Variants in TENM3 observed in about 807,000 individuals in gnomAD.
The protein encoded by TENM3 is teneurin-3.
Under a neutral mutation model 255.1 loss-of-function variants are expected in TENM3, and 63 were observed. The ratio of observed to expected loss-of-function variants is 0.25; its 90% CI spans 0.20 to 0.30. The LOEUF is 0.30. TENM3 is among the 10% of genes least tolerant of loss of function. The pLI is 1.00. For missense variants in TENM3, 2,929 were observed against 3,461.1 expected, an observed-to-expected ratio of 0.85 and a Z score of 3.86; for synonymous variants, 1,306 against 1,322.3, an observed-to-expected ratio of 0.99 and a Z score of 0.27.
intron 1 of TENM3, among the ~76,000 whole-genome samples, chr4:182,166,358 G>GTGTC (rs1751723402): frequency 6.6e-6 from 1 of 152,316 alleles, no homozygotes; most frequent in South Asian, 2.1e-4. Context: ...GGAAAACAGT[G>GTGTC]TGTCTGGAGG....
chr4:181,740,373 CTT>C, the TENM3 span, among the ~76,000 whole-genome samples: 1 of 151,884 alleles, frequency 6.6e-6, no homozygotes. Context: ...AGAATATTAA[CTT>C]TATTTAACAT....
the TENM3 span, among the ~76,000 whole-genome samples, chr4:181,735,526 TATAAAC>T: frequency 3.1e-4 from 47 of 152,314 alleles, no homozygotes; most frequent in East Asian, 8.7e-3. Flanking sequence ...TATTCTGTCT[TATAAAC>T]ATATCAAAGC....
the TENM3 span, among the ~76,000 whole-genome samples, chr4:181,585,664 A>G: frequency 6.6e-6 from 1 of 152,344 alleles, no homozygotes; most frequent in East Asian, 1.9e-4. Context: ...CTAGAAAACT[A>G]AATAGCAAAT....
chr4:181,915,863 A>G, the TENM3 span, among the ~76,000 whole-genome samples: 1 of 152,168 alleles, frequency 6.6e-6, no homozygotes, highest in Admixed American at 6.5e-5. Context: ...GTTACAGGCT[A>G]AGATATTATT....
the TENM3 span, among the ~76,000 whole-genome samples, chr4:181,881,552 G>A: frequency 0.17 from 25,748 of 151,942 alleles, 2,693 homozygotes; most frequent in East Asian, 0.54. Flanking sequence ...CATTATTCCA[G>A]GTCCTGAAAT....
At chr4:182,015,754 T>G in the TENM3 span, among the ~76,000 whole-genome samples, 1 of 151,852 alleles carries the variant, frequency 6.6e-6, no homozygotes, top group Non-Finnish European at 1.5e-5. Context: ...AGAGATGGGG[T>G]TTCACCATGT....
intron 3 of TENM3, among the ~76,000 whole-genome samples, chr4:182,458,556 A>G (rs979648814): frequency 2.6e-5 from 4 of 152,210 alleles, no homozygotes; most frequent in African/African-American, 7.2e-5. Flanking sequence ...AATGATTTTG[A>G]ACAGCGTAGC....
the TENM3 span, among the ~76,000 whole-genome samples, chr4:181,740,697 A>AC: frequency 1.3e-5 from 2 of 152,104 alleles, no homozygotes; most frequent in Admixed American, 1.3e-4. Context: ...GAAAAAAAAA[A>AC]AGTCAAGAAA....
chr4:182,765,063 A>G (rs113766517), intron 22 of TENM3, among the ~76,000 whole-genome samples: 1 of 152,118 alleles, frequency 6.6e-6, no homozygotes, highest in East Asian at 1.9e-4. Context: ...TTGTAGGTTG[A>G]TCAACAAAAG....
At chr4:182,175,157 T>G (rs1329911218) in intron 1 of TENM3, among the ~76,000 whole-genome samples, 1 of 152,026 alleles carries the variant, frequency 6.6e-6, no homozygotes, top group South Asian at 2.1e-4. Context: ...ATTTTCTTAG[T>G]GGCTCCTTGC....
At chr4:182,532,238 A>G (rs764393469) in intron 3 of TENM3, among the ~76,000 whole-genome samples, 1 of 152,226 alleles carries the variant, frequency 6.6e-6, no homozygotes, top group Non-Finnish European at 1.5e-5. Flanking sequence ...TTCTCTAGTC[A>G]TGGCTCAGCT....
At chr4:181,676,232 T>C in the TENM3 span, among the ~76,000 whole-genome samples, 3 of 152,116 alleles carry the variant, frequency 2.0e-5, no homozygotes, top group African/African-American at 4.8e-5. Flanking sequence ...GCTGTTGATA[T>C]TGGATTTATA....
chr4:181,815,226 C>T, the TENM3 span, among the ~76,000 whole-genome samples: 27 of 150,510 alleles, frequency 1.8e-4, no homozygotes, highest in South Asian at 8.4e-4. Context: ...CCAAGGGGGG[C>T]GGATCACCTG....
At chr4:181,598,066 G>A in the TENM3 span, among the ~76,000 whole-genome samples, 2 of 152,152 alleles carry the variant, frequency 1.3e-5, no homozygotes, top group South Asian at 2.1e-4. Flanking sequence ...TTAGTAGGAC[G>A]TGGTCTACTG....
the TENM3 span, among the ~76,000 whole-genome samples, chr4:181,471,932 A>G: frequency 6.6e-6 from 1 of 152,200 alleles, no homozygotes; most frequent in African/African-American, 2.4e-5. Context: ...TCTAATGGTA[A>G]TAAGCTGGGG....
intron 1 of TENM3, among the ~76,000 whole-genome samples, chr4:182,214,555 G>A (rs912319757): frequency 2.8e-5 from 4 of 143,646 alleles, no homozygotes; most frequent in Non-Finnish European, 6.0e-5. Context: ...TTTAGGGACG[G>A]GGGTCTTGCT....
At chr4:182,346,089 A>G (rs1465598670) in intron 2 of TENM3, among the ~76,000 whole-genome samples, 1 of 152,008 alleles carries the variant, frequency 6.6e-6, no homozygotes, top group Non-Finnish European at 1.5e-5. Context: ...ACATACATAC[A>G]TACATACATA....
chr4:182,785,939 A>G (rs34291192), intron 24 of TENM3, among the ~76,000 whole-genome samples: 14,815 of 152,094 alleles, frequency 0.097, 961 homozygotes, highest in Admixed American at 0.16. Context: ...GAGAGCTCTT[A>G]GTATCTTTTG....
the TENM3 span, among the ~76,000 whole-genome samples, chr4:181,718,623 G>C: frequency 6.6e-6 from 1 of 152,174 alleles, no homozygotes; most frequent in East Asian, 1.9e-4. Context: ...TGCATATTTA[G>C]GTTCATAAAT....
Sources: gnomAD v4.1 joint callset for allele counts (sites outside exome capture counted in the v4.1 genomes callset) on GRCh38, gnomAD v4.1.1 for gene constraint, MANE v1.5 for transcripts, NCBI Gene and HGNC (gene_info 2026-07-23, HGNC 2026-07-21) for gene names.